Variants in ASB3 observed in about 807,000 individuals in gnomAD.
ASB3 encodes the protein ankyrin repeat and SOCS box containing 3.
ASB3 carries 41 observed loss-of-function variants against 54.5 expected under a neutral mutation model. The observed-to-expected ratio is 0.75, with a 90% CI of 0.59 to 0.98. The LOEUF (loss-of-function observed/expected upper bound fraction) is 0.98, where lower values mean the gene tolerates loss of function less well. ASB3 is among the 50% of genes least tolerant of loss of function. ASB3 has a pLI of 0.00. For missense variants in ASB3, 733 were observed against 620.0 expected, an observed-to-expected ratio of 1.18 and a Z score of -1.94; for synonymous variants, 266 against 221.2, an observed-to-expected ratio of 1.20 and a Z score of -1.80.
intron 9 of ASB3, among the ~76,000 whole-genome samples, chr2:53,671,374 G>GTC (rs1302488421): frequency 5.9e-5 from 9 of 151,638 alleles, no homozygotes; most frequent in Admixed American, 3.9e-4. Context: ...GTGTGTGTGT[G>GTC]TGTGTGTGTG....
intron 2 of ASB3, chr2:53,756,983 C>T (rs187377449): frequency 1.2e-5 from 2 of 167,916 alleles, no homozygotes; most frequent in African/African-American, 4.8e-5. Context: ...AGATTCCATT[C>T]CTTGGAATCC....
At chr2:53,732,019 G>C (rs975219234) in intron 3 of ASB3, among the ~76,000 whole-genome samples, 3 of 151,770 alleles carry the variant, frequency 2.0e-5, no homozygotes, top group Admixed American at 1.3e-4. Context: ...GTGCAGTGGC[G>C]CAAACTCGGC....
At position 53,728,825 on chromosome 2, in the gene ASB3, A is replaced by T; in HGVS notation, c.491T>A (p.Leu164Ter). 1 of 1,610,794 alleles carries T rather than the reference A, an allele frequency of 6.2e-7. No homozygotes were observed. The highest frequency in any genetic ancestry group is 2.2e-5 in the East Asian group (1 of 44,802). ...CTTGTTTGCTCCTTTTCTAAGAAGC[A>T]ATTTTATGATCTCAGCATTTTCCTA... ...SFQENAEIIK[L>*]LLRKGANKEC... Residue 164 changes from leucine to a stop codon, truncating the protein, a stop_gained, in exon 5 of 10, where the codon TTG becomes TAG. Coordinates refer to ENST00000263634, the MANE Select transcript of ASB3 (RefSeq NM_016115.5). LOFTEE classifies it high-confidence loss of function.
intron 9 of ASB3, among the ~76,000 whole-genome samples, chr2:53,677,741 G>A (rs79424752): frequency 0.012 from 1,879 of 152,084 alleles, 12 homozygotes; most frequent in Non-Finnish European, 0.021. Flanking sequence ...AATGCACTGG[G>A]CATCCTAGGA....
chr2:53,728,641 A>C (rs1671136862), intron 5 of ASB3, 71 bp downstream of exon 5: 1 of 1,381,062 alleles, frequency 7.2e-7, no homozygotes, highest in South Asian at 2.3e-5. Context: ...TTGAGACAAG[A>C]ATTATTCCTC....
intron 5 of ASB3, among the ~76,000 whole-genome samples, chr2:53,728,007 T>G (rs1671103249): frequency 6.6e-6 from 1 of 152,108 alleles, no homozygotes. Context: ...ATTACAGGCA[T>G]GAGCAACCGT....
At chr2:53,749,826 G>T (rs1672420136) in intron 3 of ASB3, among the ~76,000 whole-genome samples, 1 of 152,008 alleles carries the variant, frequency 6.6e-6, no homozygotes, top group Non-Finnish European at 1.5e-5. Context: ...GAATTTTGAG[G>T]AGTGATGGAA....
At chr2:53,754,097 T>C (rs1250503751) in intron 2 of ASB3, among the ~76,000 whole-genome samples, 1 of 152,066 alleles carries the variant, frequency 6.6e-6, no homozygotes, top group Non-Finnish European at 1.5e-5. Flanking sequence ...AATGGGGGCA[T>C]GCAAAAGAGA....
intron 9 of ASB3, among the ~76,000 whole-genome samples, chr2:53,677,260 T>A (rs1668130387): frequency 6.6e-6 from 1 of 152,220 alleles, no homozygotes; most frequent in South Asian, 2.1e-4. Context: ...TACTTTATAA[T>A]ATTTGCACAA....
At chr2:53,744,158 C>T (rs1197026378) in intron 3 of ASB3, among the ~76,000 whole-genome samples, 10 of 151,428 alleles carry the variant, frequency 6.6e-5, no homozygotes, top group Admixed American at 2.0e-4. Context: ...AGGTGGACTG[C>T]GAGGTCAGGA....
chr2:53,671,102 C>A (rs1426187220), intron 9 of ASB3, among the ~76,000 whole-genome samples: 1 of 152,178 alleles, frequency 6.6e-6, no homozygotes, highest in Non-Finnish European at 1.5e-5. Context: ...GTACAGCTTG[C>A]AAGTTTTCCT....
At chr2:53,692,088 A>G (rs1668948647) in intron 9 of ASB3, among the ~76,000 whole-genome samples, 1 of 152,162 alleles carries the variant, frequency 6.6e-6, no homozygotes, top group Admixed American at 6.5e-5. Context: ...TACCCCTTAG[A>G]TGGCAATAGC....
chr2:53,709,358 G>C (rs1179808199), intron 7 of ASB3, among the ~76,000 whole-genome samples: 2 of 152,220 alleles, frequency 1.3e-5, no homozygotes, highest in African/African-American at 2.4e-5. Context: ...TAAGAGTTGA[G>C]GTTTGGGAGA....
At chr2:53,681,513 T>C (rs530550367) in intron 9 of ASB3, among the ~76,000 whole-genome samples, 20 of 152,350 alleles carry the variant, frequency 1.3e-4, no homozygotes, top group African/African-American at 4.1e-4. Flanking sequence ...AACTCTTTAA[T>C]GCATTTTTAT....
intron 9 of ASB3, among the ~76,000 whole-genome samples, chr2:53,677,817 G>A (rs1668162513): frequency 6.6e-6 from 1 of 152,102 alleles, no homozygotes. Flanking sequence ...AGATTAGAGT[G>A]TCTTGCTGAG....
intron 7 of ASB3, among the ~76,000 whole-genome samples, chr2:53,703,189 G>T (rs752905838): frequency 4.1e-4 from 62 of 152,250 alleles, no homozygotes; most frequent in Non-Finnish European, 7.5e-4. Context: ...CCATTTGGAG[G>T]AATCTTTTTC....
In ASB3 at chr2:53,710,404, T is replaced by G. The variant is rs546550864; in HGVS notation, c.980+3980A>C. Among the ~76,000 whole-genome samples, 109 of 152,350 alleles carry G rather than the reference T, an allele frequency of 7.2e-4. 1 individual carries two copies. The highest frequency in any genetic ancestry group is 2.6e-3 in the African/African-American group (107 of 41,574). On this transcript the variant is annotated intron_variant, in intron 7 of 9. Coordinates refer to ENST00000263634, the MANE Select transcript of ASB3 (RefSeq NM_016115.5). ...TTCTACCTTTTCATTTTTTCCAGTG[T>G]GTTAGCCTCATGAAGCACCATTATA...
chr2:53,712,778 G>A lies in ASB3; in HGVS notation c.980+1606C>T, dbSNP rs544891530. Among the ~76,000 whole-genome samples the A allele has an allele frequency of 3.2e-3, 489 of 152,140 alleles. 2 individuals are homozygous for A. Among genetic ancestry groups the A allele is most frequent in the African/African-American group, 9.7e-3 (404 of 41,524 alleles). On this transcript the variant is annotated intron_variant, in intron 7 of 9. Coordinates refer to ENST00000263634, the MANE Select transcript of ASB3 (RefSeq NM_016115.5). The stretch of plus-strand genomic sequence containing the variant: ...CACACACACACACACAGGCGCGCGC[G>A]CGCGCGCAATCCAAAATCATTATAT...
chr2:53,757,453 C>T (rs190373085), intron 2 of ASB3, among the ~76,000 whole-genome samples: 106 of 152,356 alleles, frequency 7.0e-4, no homozygotes, highest in Non-Finnish European at 1.2e-3. Context: ...ACTCAACAGT[C>T]GCCCGTGCAT....
Sources: gnomAD v4.1 joint callset for allele counts (sites outside exome capture counted in the v4.1 genomes callset) on GRCh38, gnomAD v4.1.1 for gene constraint, MANE v1.5 for transcripts, NCBI Gene and HGNC (gene_info 2026-07-23, HGNC 2026-07-21) for gene names.